Variants in CCDC186 observed in about 807,000 individuals in gnomAD.
CCDC186 encodes the protein coiled-coil domain-containing protein 186.
Under a neutral mutation model 113.7 loss-of-function variants are expected in CCDC186, and 49 were observed. That is an observed-to-expected ratio of 0.43 (90% CI 0.34 to 0.55). The LOEUF (loss-of-function observed/expected upper bound fraction) is 0.55. CCDC186 is among the 20% of genes least tolerant of loss of function. The probability of loss-of-function intolerance (pLI) is 0.02; values close to 1 mark genes in which losing one functional copy is unlikely to be tolerated. For missense variants in CCDC186, 890 were observed against 1,011.1 expected, an observed-to-expected ratio of 0.88 and a Z score of 1.62; for synonymous variants, 355 against 345.8, an observed-to-expected ratio of 1.03 and a Z score of -0.30.
At chr10:114,134,396 G>C (rs944469105) in intron 10 of CCDC186, among the ~76,000 whole-genome samples, 2 of 152,140 alleles carry the variant, frequency 1.3e-5, no homozygotes, top group African/African-American at 4.8e-5. Context: ...TCTAAATGAT[G>C]GTAAGGATTT....
intron 4 of CCDC186, 86 bp from the exon 5 acceptor site, chr10:114,145,847 T>C: frequency 7.3e-6 from 9 of 1,234,084 alleles, no homozygotes; most frequent in Non-Finnish European, 1.0e-5. Context: ...GTCTCTTATA[T>C]TACCAATGCA....
At chr10:114,134,164 C>A (rs1042891298) in intron 10 of CCDC186, among the ~76,000 whole-genome samples, 1 of 152,146 alleles carries the variant, frequency 6.6e-6, no homozygotes, top group Non-Finnish European at 1.5e-5. Context: ...AACGTTGAGA[C>A]AACTGTCACC....
Position 114,162,636 on chromosome 10 carries a change from CT to C in CCDC186, c.632del (p.Lys211SerfsTer2). On this transcript the variant is annotated frameshift_variant and splice_region_variant, in exon 2 of 16. Transcript: ENST00000369287. LOFTEE classifies it high-confidence loss of function. Reference sequence around the variant, plus strand: ...ATAACCTAAAGGTATAAAAAACTTACTTTTTTATGATATGTTCCTGCTGCAA... The same window carrying C: ...ATAACCTAAAGGTATAAAAAACTTACTTTTTATGATATGTTCCTGCTGCAA... ...KYLQQEHIIK[K>X]LIKENKKHQE... 1 of 1,543,854 alleles carries C rather than the reference CT, an allele frequency of 6.5e-7. No individual in the cohort carries two copies. Among genetic ancestry groups the C allele is most frequent in the Non-Finnish European group, 8.7e-7 (1 of 1,149,650 alleles).
intron 14 of CCDC186, among the ~76,000 whole-genome samples, chr10:114,126,810 TG>T (rs1564903848): frequency 6.6e-6 from 1 of 152,190 alleles, no homozygotes; most frequent in East Asian, 1.9e-4. Flanking sequence ...AAAAAGTCAT[TG>T]GAAAAGGCCC....
At chr10:114,169,886 G>A (rs960815220) in intron 1 of CCDC186, among the ~76,000 whole-genome samples, 1 of 152,084 alleles carries the variant, frequency 6.6e-6, no homozygotes, top group African/African-American at 2.4e-5. Context: ...TCTGGATAAA[G>A]CTAGCTACCT....
intron 12 of CCDC186, among the ~76,000 whole-genome samples, chr10:114,130,861 TTATTGACAGGAG>T (rs1275466978): frequency 6.6e-6 from 1 of 152,204 alleles, no homozygotes; most frequent in Non-Finnish European, 1.5e-5. Flanking sequence ...TAAGCACTTT[TTATTGACAGGAG>T]TATGTGATCA....
chr10:114,125,295 T>A, intron 15 of CCDC186, 69 bp from the exon 16 acceptor site: 1 of 1,233,104 alleles, frequency 8.1e-7, no homozygotes, highest in Admixed American at 2.3e-5. Context: ...CAATTCAGTT[T>A]GAACTATTTT....
intron 4 of CCDC186, among the ~76,000 whole-genome samples, chr10:114,149,910 G>A (rs1358543179): frequency 6.6e-6 from 1 of 152,046 alleles, no homozygotes; most frequent in Non-Finnish European, 1.5e-5. Context: ...TGACTGGCTG[G>A]CTATGTTTGG....
chr10:114,160,525 A>G (rs2032140058), intron 2 of CCDC186, among the ~76,000 whole-genome samples: 1 of 152,186 alleles, frequency 6.6e-6, no homozygotes, highest in Non-Finnish European at 1.5e-5. Flanking sequence ...TAGATCTTAA[A>G]TGTTCTCACC....
chr10:114,155,229 T>C (rs1443413209), intron 3 of CCDC186, among the ~76,000 whole-genome samples: 1 of 152,246 alleles, frequency 6.6e-6, no homozygotes, highest in Non-Finnish European at 1.5e-5. Flanking sequence ...TGTGGAAAGT[T>C]AATTATATCT....
intron 10 of CCDC186, among the ~76,000 whole-genome samples, chr10:114,133,904 T>C (rs962975885): frequency 6.6e-6 from 1 of 152,114 alleles, no homozygotes; most frequent in South Asian, 2.1e-4. Context: ...CACAGGAGTT[T>C]TGATATTTTT....
chr10:114,149,750 AAGGC>A (rs200463666), intron 4 of CCDC186, among the ~76,000 whole-genome samples: 5 of 40,802 alleles, frequency 1.2e-4, no homozygotes, highest in Non-Finnish European at 2.3e-4. Flanking sequence ...GGAAGGCAGG[AAGGC>A]AGGAAGGAAG....
chr10:114,131,873 G>A, intron 11 of CCDC186, 56 bp downstream of exon 11: 1 of 1,465,976 alleles, frequency 6.8e-7, no homozygotes, highest in Non-Finnish European at 9.1e-7. Flanking sequence ...TACTGTTAGG[G>A]AAATTTAATT....
At chr10:114,148,377 C>A (rs2031712185) in intron 4 of CCDC186, among the ~76,000 whole-genome samples, 1 of 152,120 alleles carries the variant, frequency 6.6e-6, no homozygotes, top group Non-Finnish European at 1.5e-5. Flanking sequence ...ATAGAAGGTC[C>A]ATTTATGGCA....
chr10:114,150,744 G>C (rs1589622694), intron 4 of CCDC186, among the ~76,000 whole-genome samples: 1 of 152,160 alleles, frequency 6.6e-6, no homozygotes, highest in East Asian at 1.9e-4. Context: ...CGCCTCCCGG[G>C]TTCAAGTGAT....
chr10:114,171,950 TAAGA>T (rs1379751902), intron 1 of CCDC186, among the ~76,000 whole-genome samples: 1 of 152,184 alleles, frequency 6.6e-6, no homozygotes, highest in Non-Finnish European at 1.5e-5. Context: ...TCTCAGTAGC[TAAGA>T]AAGTTCAAAG....
chr10:114,125,587 G>T (rs2030872068), intron 15 of CCDC186, among the ~76,000 whole-genome samples: 1 of 152,072 alleles, frequency 6.6e-6, no homozygotes, highest in Non-Finnish European at 1.5e-5. Flanking sequence ...AATCAGAAAT[G>T]TCATAATCTT....
chr10:114,155,146 A>T (rs757390440), intron 3 of CCDC186, among the ~76,000 whole-genome samples: 1 of 152,206 alleles, frequency 6.6e-6, no homozygotes, highest in Non-Finnish European at 1.5e-5. Flanking sequence ...TGGGGTGATG[A>T]CATGTTCTAA....
chr10:114,165,932 ACTTTT>A, intron 1 of CCDC186: 1 of 984,934 alleles, frequency 1.0e-6, no homozygotes, highest in Non-Finnish European at 1.2e-6. Flanking sequence ...AACAGCTTCA[ACTTTT>A]CTTCAGAGAA....
Sources: gnomAD v4.1 joint callset for allele counts (sites outside exome capture counted in the v4.1 genomes callset) on GRCh38, gnomAD v4.1.1 for gene constraint, MANE v1.5 for transcripts, NCBI Gene and HGNC (gene_info 2026-07-23, HGNC 2026-07-21) for gene names.